The following RPAP3 variants were observed in gnomAD, a reference collection of about 807,000 sequenced individuals.
The protein encoded by RPAP3 is RNA polymerase II-associated protein 3.
A neutral mutation model predicts 88.8 loss-of-function variants in RPAP3; 58 were observed. That is an observed-to-expected ratio of 0.65 (90% CI 0.53 to 0.81). RPAP3 has a LOEUF of 0.81. RPAP3 is among the 40% of genes least tolerant of loss of function. The probability of loss-of-function intolerance (pLI) is 0.00; values close to 1 mark genes in which losing one functional copy is unlikely to be tolerated. For synonymous variants in RPAP3, 255 were observed against 259.9 expected (o/e 0.98, Z 0.18); for missense variants, 751 against 764.3 (o/e 0.98, Z 0.20).
At chr12:47,684,262 C>T (rs2136626629) in intron 9 of RPAP3, among the ~76,000 whole-genome samples, 1 of 152,300 alleles carries the variant, frequency 6.6e-6, no homozygotes, top group South Asian at 2.1e-4. Flanking sequence ...AGACTATCAC[C>T]TCCAGAAAGC....
intron 12 of RPAP3, among the ~76,000 whole-genome samples, chr12:47,674,396 A>G (rs540114611): frequency 6.6e-6 from 1 of 152,346 alleles, no homozygotes; most frequent in East Asian, 1.9e-4. Context: ...ACGGAGAATG[A>G]CTTTGACAAG....
chr12:47,696,014 T>C (rs1171903640), intron 5 of RPAP3: 1 of 274,524 alleles, frequency 3.6e-6, no homozygotes, highest in African/African-American at 2.2e-5. Context: ...CTTTGTGAAT[T>C]AGAAAAGAAC....
chr12:47,681,100 C>T, intron 10 of RPAP3, among the ~76,000 whole-genome samples: 1 of 126,296 alleles, frequency 7.9e-6, no homozygotes, highest in South Asian at 2.6e-4. Context: ...CAAATTTGCA[C>T]CTGCAATCCC....
intron 2 of RPAP3, among the ~76,000 whole-genome samples, chr12:47,702,236 A>T (rs1470147418): frequency 1.3e-5 from 2 of 152,174 alleles, no homozygotes; most frequent in African/African-American, 4.8e-5. Flanking sequence ...CTTTTTGAAA[A>T]GCAGAATTTC....
At chr12:47,674,142 G>A (rs1939061069) in intron 12 of RPAP3, among the ~76,000 whole-genome samples, 1 of 148,296 alleles carries the variant, frequency 6.7e-6, no homozygotes, top group African/African-American at 2.5e-5. Context: ...TCCTTTACGA[G>A]TTAGGGGGCG....
At chr12:47,687,312 T>C (rs748095147) in intron 8 of RPAP3, among the ~76,000 whole-genome samples, 2 of 152,166 alleles carry the variant, frequency 1.3e-5, no homozygotes, top group African/African-American at 2.4e-5. Flanking sequence ...ACCAGAATTA[T>C]AAAGCCCACT....
rs1422622726 is a variant in RPAP3, at chr12:47,670,145, T to C, written c.1488A>G (p.Val496=). The C allele has an allele frequency of 1.2e-6, 2 of 1,612,748 alleles. No individual in the cohort carries two copies. The highest frequency in any genetic ancestry group is 2.2e-5 in the East Asian group (1 of 44,838). The change falls in exon 13 of 17, where the codon GTA becomes GTG. Residue 496 remains valine (V), a synonymous_variant. Transcript: ENST00000005386. ...TATCACTGACTTCTTCTATTTTCAA[T>C]ACTTTTGCTCTTGGAGTATCACTTG... is the stretch of plus-strand genomic sequence containing the variant. ...FPTSDTPRAK[V]LKIEEVSDTS... is the part of the protein sequence containing the mutation.
At chr12:47,695,302 T>C (rs1939502693) in intron 5 of RPAP3, among the ~76,000 whole-genome samples, 1 of 152,008 alleles carries the variant, frequency 6.6e-6, no homozygotes, top group African/African-American at 2.4e-5. Context: ...ATATAATAAA[T>C]AGGTGAGCCA....
chr12:47,682,731 G>C (rs553679066), intron 9 of RPAP3, among the ~76,000 whole-genome samples: 1 of 149,656 alleles, frequency 6.7e-6, no homozygotes, highest in African/African-American at 2.5e-5. Flanking sequence ...GGCCTAAATG[G>C]ATGTCATCTT....
intron 3 of RPAP3, among the ~76,000 whole-genome samples, 181 bp from the exon 4 acceptor site, chr12:47,697,900 T>C (rs1460146279): frequency 2.0e-5 from 3 of 152,242 alleles, no homozygotes; most frequent in African/African-American, 7.2e-5. Context: ...AAAGATGCCT[T>C]AGCTTAGAAA....
rs749250833 is a variant in RPAP3 at position 47,681,719 on chromosome 12, C to A, written c.1091G>T (p.Gly364Val). The change falls in exon 10 of 17, where the codon GGA (glycine) becomes GTA (valine). Residue 364 changes from glycine (G) to valine (V), a missense_variant. Coordinates refer to ENST00000005386, the MANE Select transcript of RPAP3 (RefSeq NM_024604.3). ...ACCTTGTTTTGCCTCATTTAGCTTT[C>A]CCAAAAATGTTCTTGCAGTTCCTCT... The part of the protein sequence containing the change: ...ARRGTARTFL[G>V]KLNEAKQDFE... 6.2e-7 allele frequency: 1 copy of A among 1,612,332 alleles called. No individual in the cohort carries two copies. Among genetic ancestry groups the A allele is most frequent in the South Asian group, 1.1e-5 (1 of 90,646 alleles).
intron 9 of RPAP3, among the ~76,000 whole-genome samples, chr12:47,685,525 T>C (rs1939306158): frequency 6.6e-6 from 1 of 152,214 alleles, no homozygotes; most frequent in African/African-American, 2.4e-5. Context: ...GTCTGGTTTA[T>C]AGATACTCTT....
chr12:47,702,485 C>T (rs532649543), intron 2 of RPAP3, among the ~76,000 whole-genome samples: 1 of 152,072 alleles, frequency 6.6e-6, no homozygotes, highest in East Asian at 1.9e-4. Flanking sequence ...ACCCAGGAGG[C>T]GGAGGTTGCA....
chr12:47,674,144 T>C (rs1297974815), intron 12 of RPAP3, among the ~76,000 whole-genome samples: 1 of 147,870 alleles, frequency 6.8e-6, no homozygotes. Flanking sequence ...CTTTACGAGT[T>C]AGGGGGCGTT....
At chr12:47,684,821 G>A (rs1050776045) in intron 9 of RPAP3, among the ~76,000 whole-genome samples, 4 of 152,112 alleles carry the variant, frequency 2.6e-5, no homozygotes, top group Non-Finnish European at 4.4e-5. Context: ...TTTCATAAGT[G>A]AGCAAGAGAT....
chr12:47,688,114 TAATC>T (rs1465517747), intron 7 of RPAP3, 113 bp from the exon 8 acceptor site: 7 of 923,594 alleles, frequency 7.6e-6, no homozygotes, highest in Admixed American at 3.8e-5. Context: ...ACATTTTAAA[TAATC>T]AAAATAACAT....
chr12:47,670,483 T>C (rs546664111), intron 12 of RPAP3, 138 bp from the exon 13 acceptor site: 131 of 609,154 alleles, frequency 2.2e-4, no homozygotes, highest in African/African-American at 2.1e-3. Flanking sequence ...TAGACAGACT[T>C]AGAAGTCTGA....
At chr12:47,693,056 T>C (rs1440862548) in intron 5 of RPAP3, among the ~76,000 whole-genome samples, 1 of 152,112 alleles carries the variant, frequency 6.6e-6, no homozygotes, top group African/African-American at 2.4e-5. Context: ...ATTGTTTGTA[T>C]TTTTAGTAGA....
chr12:47,695,367 T>C (rs565131758), intron 5 of RPAP3, among the ~76,000 whole-genome samples: 47 of 152,268 alleles, frequency 3.1e-4, no homozygotes, highest in African/African-American at 1.1e-3. Context: ...AGCAAGATTA[T>C]ACTATATATT....
Sources: gnomAD v4.1 joint callset for allele counts (sites outside exome capture counted in the v4.1 genomes callset) on GRCh38, gnomAD v4.1.1 for gene constraint, MANE v1.5 for transcripts, NCBI Gene and HGNC (gene_info 2026-07-23, HGNC 2026-07-21) for gene names.